The following EEIG2 variants were observed in gnomAD, a reference collection of about 807,000 sequenced individuals.
EEIG2 encodes the protein family with sequence similarity 102 member B.
chr1:108,569,670 C>T, the EEIG2 span, among the ~76,000 whole-genome samples: 150,432 of 152,284 alleles, frequency 0.99, 74,331 homozygotes, highest in East Asian at 1. Context: ...AATTCTATGA[C>T]TAAGCTTTCA....
chr1:108,611,940 A>G, the EEIG2 span, among the ~76,000 whole-genome samples: 1 of 152,126 alleles, frequency 6.6e-6, no homozygotes, highest in Non-Finnish European at 1.5e-5. Flanking sequence ...TACCACATCA[A>G]ATCTGAGTTC....
chr1:108,637,391 C>G, the EEIG2 span: 1 of 151,974 alleles, frequency 6.6e-6, no homozygotes, highest in Non-Finnish European at 1.5e-5. Context: ...GCAGTCCTTT[C>G]AAAATACTCG....
the EEIG2 span, among the ~76,000 whole-genome samples, chr1:108,610,479 C>A: frequency 6.6e-6 from 1 of 152,054 alleles, no homozygotes; most frequent in African/African-American, 2.4e-5. Context: ...GATGAGAAAG[C>A]GATGTTGGAG....
the EEIG2 span, among the ~76,000 whole-genome samples, chr1:108,618,614 C>T: frequency 1.3e-5 from 2 of 151,918 alleles, no homozygotes; most frequent in South Asian, 2.1e-4. Flanking sequence ...AACATTTGGC[C>T]GGGCTCGGTG....
At chr1:108,596,296 T>C in the EEIG2 span, among the ~76,000 whole-genome samples, 2 of 152,176 alleles carry the variant, frequency 1.3e-5, no homozygotes, top group Admixed American at 6.5e-5. Flanking sequence ...AACAAAGTCA[T>C]AAATACTAAT....
the EEIG2 span, among the ~76,000 whole-genome samples, chr1:108,630,127 C>T: frequency 6.6e-6 from 1 of 152,134 alleles, no homozygotes; most frequent in Admixed American, 6.5e-5. Context: ...CATAGGCATG[C>T]GCCACTGTGC....
the EEIG2 span, among the ~76,000 whole-genome samples, chr1:108,579,772 TGAGAGAGA>T: frequency 1.7e-5 from 1 of 58,822 alleles, no homozygotes; most frequent in Non-Finnish European, 3.3e-5. Flanking sequence ...TGTGTGTGTG[TGAGAGAGA>T]GAGAGAGAGA....
the EEIG2 span, among the ~76,000 whole-genome samples, chr1:108,607,432 A>G: frequency 2.7e-3 from 409 of 152,328 alleles, 1 homozygote; most frequent in African/African-American, 9.3e-3. Context: ...ATGGATTGCC[A>G]TGGTTAGCTT....
chr1:108,577,898 C>T, the EEIG2 span, among the ~76,000 whole-genome samples: 1 of 151,560 alleles, frequency 6.6e-6, no homozygotes, highest in African/African-American at 2.4e-5. Context: ...GCAGTATGGC[C>T]TTTTTCACGA....
the EEIG2 span, among the ~76,000 whole-genome samples, chr1:108,596,740 T>G: frequency 6.6e-6 from 1 of 152,016 alleles, no homozygotes; most frequent in East Asian, 1.9e-4. Context: ...TTTTTCTGTT[T>G]TTTTGTTTTT....
At chr1:108,580,036 A>G in the EEIG2 span, among the ~76,000 whole-genome samples, 200 of 152,248 alleles carry the variant, frequency 1.3e-3, no homozygotes, top group African/African-American at 4.4e-3. Flanking sequence ...AAGTGCTGAG[A>G]TTACAAATGT....
chr1:108,601,239 T>A, the EEIG2 span, among the ~76,000 whole-genome samples: 1 of 152,016 alleles, frequency 6.6e-6, no homozygotes, highest in Non-Finnish European at 1.5e-5. Flanking sequence ...AAAATGGTAA[T>A]TTCATATGGT....
the EEIG2 span, among the ~76,000 whole-genome samples, chr1:108,576,772 T>C: frequency 6.6e-6 from 1 of 150,620 alleles, no homozygotes; most frequent in East Asian, 2.0e-4. Flanking sequence ...TGCATGTGTC[T>C]TTATAGCAGC....
the EEIG2 span, among the ~76,000 whole-genome samples, chr1:108,583,154 T>A: frequency 6.6e-6 from 1 of 151,686 alleles, no homozygotes; most frequent in Admixed American, 6.6e-5. Context: ...TTATGCTGCC[T>A]TTTGTTTTTT....
At chr1:108,612,153 A>G in the EEIG2 span, 1 of 1,496,692 alleles carries the variant, frequency 6.7e-7, no homozygotes, top group Admixed American at 1.8e-5. Context: ...ATAGTCTATT[A>G]ATATAATTCT....
the EEIG2 span, among the ~76,000 whole-genome samples, chr1:108,614,347 A>G: frequency 6.6e-6 from 1 of 152,240 alleles, no homozygotes; most frequent in East Asian, 1.9e-4. Flanking sequence ...GAATCACACA[A>G]CCAGACTAGC....
chr1:108,593,133 C>T, the EEIG2 span, among the ~76,000 whole-genome samples: 18 of 151,980 alleles, frequency 1.2e-4, no homozygotes, highest in East Asian at 1.9e-4. Context: ...ACTCAGCCTG[C>T]ATGACAGAGT....
the EEIG2 span, among the ~76,000 whole-genome samples, chr1:108,602,837 G>C: frequency 1.3e-5 from 2 of 151,338 alleles, no homozygotes; most frequent in Non-Finnish European, 1.5e-5. Flanking sequence ...TCATGCCACT[G>C]TACTCCAGCC....
chr1:108,606,624 C>T, the EEIG2 span, among the ~76,000 whole-genome samples: 1 of 152,138 alleles, frequency 6.6e-6, no homozygotes, highest in Admixed American at 6.5e-5. Flanking sequence ...ATCAGTACTG[C>T]TGGTTTTTAC....
Sources: allele counts gnomAD v4.1 joint callset (sites outside exome capture counted in the v4.1 genomes callset), GRCh38; gene constraint gnomAD v4.1.1; transcripts MANE v1.5; gene names NCBI Gene and HGNC (gene_info 2026-07-23, HGNC 2026-07-21).